Variants in ADAMTS16 observed in about 807,000 individuals in gnomAD.
The protein encoded by ADAMTS16 is A disintegrin and metalloproteinase with thrombospondin motifs 16.
A neutral mutation model predicts 145.8 loss-of-function variants in ADAMTS16; 94 were observed. The observed-to-expected ratio is 0.64, with a 90% CI of 0.55 to 0.77. The LOEUF is 0.77. ADAMTS16 is among the 30% of genes least tolerant of loss of function. ADAMTS16 has a pLI of 0.00. For missense variants in ADAMTS16, 1,585 were observed against 1,591.5 expected, an observed-to-expected ratio of 1.00 and a Z score of 0.07; for synonymous variants, 659 against 604.3, an observed-to-expected ratio of 1.09 and a Z score of -1.33.
chr5:5,255,987 G>A (rs978027064), intron 17 of ADAMTS16, among the ~76,000 whole-genome samples: 9 of 152,066 alleles, frequency 5.9e-5, no homozygotes, highest in African/African-American at 2.2e-4. Flanking sequence ...TTTATCTTTT[G>A]TAGCATTTTC....
At chr5:5,144,703 T>C (rs1361924608) in intron 2 of ADAMTS16, among the ~76,000 whole-genome samples, 3 of 152,146 alleles carry the variant, frequency 2.0e-5, no homozygotes, top group Non-Finnish European at 4.4e-5. Context: ...TGGCCGGTGG[T>C]GGACTGATTT....
chr5:5,273,985 C>T (rs1264690450), intron 18 of ADAMTS16, among the ~76,000 whole-genome samples: 2 of 152,060 alleles, frequency 1.3e-5, no homozygotes, highest in East Asian at 3.9e-4. Flanking sequence ...ATTTTGTTTG[C>T]TTGATTTTCA....
chr5:5,252,454 C>G (rs74622677), intron 17 of ADAMTS16, among the ~76,000 whole-genome samples: 1 of 152,094 alleles, frequency 6.6e-6, no homozygotes, highest in East Asian at 1.9e-4. Context: ...CCCACCTTTA[C>G]GACCTTTGAA....
intron 17 of ADAMTS16, among the ~76,000 whole-genome samples, chr5:5,251,505 T>A (rs1019914685): frequency 6.6e-6 from 1 of 152,240 alleles, no homozygotes; most frequent in Non-Finnish European, 1.5e-5. Flanking sequence ...GTGTTTCAAA[T>A]GGGGTGGTTT....
chr5:5,242,414 T>C (rs1737321142), intron 17 of ADAMTS16, among the ~76,000 whole-genome samples: 1 of 152,206 alleles, frequency 6.6e-6, no homozygotes, highest in Non-Finnish European at 1.5e-5. Flanking sequence ...AGGAAGTCAG[T>C]AGATGCATTG....
In ADAMTS16 at chr5:5,306,695, G is replaced by A. The variant is rs775184972; in HGVS notation, c.3378G>A (p.Ser1126=). ...RHPPFAAAGP[S]RGSWFASPWS... is the part of the protein sequence containing the mutation. The stretch of plus-strand genomic sequence containing the variant: ...CCCCATTTGCTGCTGCGGGACCCTC[G>A]AGGGGCAGCTGGTTTGCCTCACCCT... Residue 1126 remains serine (S), a synonymous_variant, in exon 21 of 23, where the codon TCG becomes TCA. Coordinates refer to ENST00000274181, the MANE Select transcript of ADAMTS16 (RefSeq NM_139056.4). 24 of 1,612,798 alleles carry A rather than the reference G, an allele frequency of 1.5e-5. No individual in the cohort carries two copies. The highest frequency in any genetic ancestry group is 2.7e-5 in the African/African-American group (2 of 74,890).
In ADAMTS16 at chr5:5,297,533, C is replaced by T. The variant is rs72647760; in HGVS notation, c.2790-5735C>T. On this transcript the variant is annotated intron_variant, in intron 18 of 22. Coordinates refer to ENST00000274181, the MANE Select transcript of ADAMTS16 (RefSeq NM_139056.4). ...TACTGAGGCTGTCTGTTTTGAAAAGCGAGGTCAGTTTCTTTGGTCTGTGTG... is the reference window on the plus strand; with the variant it reads ...TACTGAGGCTGTCTGTTTTGAAAAGTGAGGTCAGTTTCTTTGGTCTGTGTG... 2.7e-3 allele frequency among the ~76,000 whole-genome samples: 410 copies of T among 152,306 alleles called. 1 individual carries two copies. Among genetic ancestry groups the T allele is most frequent in the Non-Finnish European group, 5.1e-3 (350 of 68,030 alleles).
At chr5:5,143,020 T>A (rs1435476070) in intron 2 of ADAMTS16, among the ~76,000 whole-genome samples, 2 of 152,182 alleles carry the variant, frequency 1.3e-5, no homozygotes, top group African/African-American at 4.8e-5. Context: ...AAACCGAAAC[T>A]GGACCCTTCC....
At chr5:5,186,496 CTG>C (rs10552286) in intron 5 of ADAMTS16, among the ~76,000 whole-genome samples, 101,018 of 151,796 alleles carry the variant, frequency 0.67, 33,877 homozygotes, top group East Asian at 0.8. Context: ...CTATAAGCCT[CTG>C]TAAGCCTGTG....
chr5:5,197,597 G>T (rs535675171), intron 8 of ADAMTS16, among the ~76,000 whole-genome samples: 8 of 152,208 alleles, frequency 5.3e-5, no homozygotes, highest in Non-Finnish European at 1.2e-4. Flanking sequence ...CCATTTTAAA[G>T]TACTATGGTG....
At chr5:5,174,370 G>C (rs1735131859) in intron 3 of ADAMTS16, among the ~76,000 whole-genome samples, 1 of 151,286 alleles carries the variant, frequency 6.6e-6, no homozygotes, top group Admixed American at 6.6e-5. Context: ...GTTGCTTTTA[G>C]GATTTTTTTT....
intron 18 of ADAMTS16, among the ~76,000 whole-genome samples, chr5:5,285,310 G>A (rs1297830203): frequency 2.0e-5 from 3 of 152,220 alleles, no homozygotes; most frequent in African/African-American, 7.2e-5. Flanking sequence ...AGTGAAGGAT[G>A]CTTGTGAAAG....
rs529399956 is a variant in ADAMTS16, at chr5:5,207,165, G to A, written c.1452-1928G>A. 2.6e-5 allele frequency among the ~76,000 whole-genome samples: 4 copies of A among 152,266 alleles called. No homozygotes were observed. In the South Asian group the frequency reaches 8.3e-4, roughly 32 times the overall value. On this transcript the variant is annotated intron_variant, in intron 9 of 22. Coordinates refer to ENST00000274181, the MANE Select transcript of ADAMTS16 (RefSeq NM_139056.4). ...AGAACTAATCTCCTGACAAGATTGA[G>A]TCTTCTGATCTATGGACATGAAATA...
chr5:5,258,843 T>C (rs527639845), intron 17 of ADAMTS16, among the ~76,000 whole-genome samples: 11 of 151,870 alleles, frequency 7.2e-5, no homozygotes, highest in African/African-American at 1.7e-4. Flanking sequence ...TATGTATATA[T>C]ATATATAATT....
intron 3 of ADAMTS16, among the ~76,000 whole-genome samples, chr5:5,154,231 A>G (rs1734545289): frequency 6.6e-6 from 1 of 152,246 alleles, no homozygotes; most frequent in African/African-American, 2.4e-5. Flanking sequence ...TGCTGATGGC[A>G]TAAGCAGATG....
chr5:5,259,259 A>C (rs1010930430), intron 17 of ADAMTS16, among the ~76,000 whole-genome samples: 1 of 152,194 alleles, frequency 6.6e-6, no homozygotes, highest in Admixed American at 6.5e-5. Context: ...CTGAGCTGCA[A>C]CTGAGCCTTG....
chr5:5,239,165 C>T lies in ADAMTS16; in HGVS notation c.2169C>T (p.Asp723=), dbSNP rs1216777769. ...IDGICERVGC[D]NVLGSDAVED... Reference sequence around the variant, plus strand: ...GGGCCCTCCAGAGAGTTGGATGTGACAATGTCCTTGGATCTGATGCTGTTG... The same window carrying T: ...GGGCCCTCCAGAGAGTTGGATGTGATAATGTCCTTGGATCTGATGCTGTTG... The change falls in exon 15 of 23, where the codon GAC becomes GAT. Residue 723 remains aspartate (D), a synonymous_variant. Transcript: ENST00000274181. 1.9e-6 allele frequency: 3 copies of T among 1,566,056 alleles called. No homozygotes were observed. Among genetic ancestry groups the T allele is most frequent in the Non-Finnish European group, 2.6e-6 (3 of 1,158,728 alleles).
rs768745736 is a variant in ADAMTS16, at chr5:5,319,181, C to A, written c.*43C>A. ...TAGCAGAGAAAGTGCCTGCGTGGCA[C>A]AGAAATTTCCCACAAATGAGCTGTG... On this transcript the variant is annotated 3_prime_UTR_variant, in exon 23 of 23. Coordinates refer to ENST00000274181, the MANE Select transcript of ADAMTS16 (RefSeq NM_139056.4). The A allele has an allele frequency of 7.0e-6, 10 of 1,425,968 alleles. No homozygotes were observed. Among genetic ancestry groups the A allele is most frequent in the African/African-American group, 4.2e-5 (3 of 71,250 alleles). The allele number at this position is 1,425,968 out of a possible 1,614,324, so 88.3% of individuals were successfully genotyped here.
chr5:5,153,762 C>A (rs983821370), intron 3 of ADAMTS16, among the ~76,000 whole-genome samples: 1 of 152,184 alleles, frequency 6.6e-6, no homozygotes, highest in Non-Finnish European at 1.5e-5. Context: ...AATCTGTCGA[C>A]TGCCATTGGC....
Sources: gnomAD v4.1 joint callset for allele counts (sites outside exome capture counted in the v4.1 genomes callset) on GRCh38, gnomAD v4.1.1 for gene constraint, MANE v1.5 for transcripts, NCBI Gene and HGNC (gene_info 2026-07-23, HGNC 2026-07-21) for gene names.